Variants in NAA11 observed in about 807,000 individuals in gnomAD.
NAA11 encodes the protein N-alpha-acetyltransferase 11.
Under a neutral mutation model 16.1 loss-of-function variants are expected in NAA11, and 15 were observed. The observed-to-expected ratio is 0.93, with a 90% confidence interval of 0.62 to 1.44. The LOEUF (loss-of-function observed/expected upper bound fraction) is 1.44. Among genes scored for constraint, NAA11 ranks in the 40% most tolerant of loss-of-function variants. NAA11 has a pLI of 0.00. For synonymous variants in NAA11, 122 were observed against 112.4 expected, an observed-to-expected ratio of 1.09 and a Z score of -0.54; for missense variants, 298 against 291.3, an observed-to-expected ratio of 1.02 and a Z score of -0.17.
In NAA11 at chr4:79,246,029, A is replaced by G. The variant is rs1721814109; in HGVS notation, c.*123-19759T>C. ...AGGAGACTCCATTTTGTTCTGTACTAAGAAAAATTCTTCTGCCTTGGGATG... is the reference window on the plus strand; with the variant it reads ...AGGAGACTCCATTTTGTTCTGTACTGAGAAAAATTCTTCTGCCTTGGGATG... On this transcript the variant is annotated intron_variant and NMD_transcript_variant, in intron 2 of 2. Coordinates refer to the NAA11 transcript ENST00000511542. 2.6e-5 allele frequency among the ~76,000 whole-genome samples: 4 copies of G among 152,218 alleles called. No homozygotes were observed. The South Asian group carries it at 8.3e-4, about 32-fold the overall frequency.
the NAA11 span, among the ~76,000 whole-genome samples, chr4:79,164,472 C>A: frequency 1.3e-5 from 2 of 152,196 alleles, no homozygotes; most frequent in Non-Finnish European, 2.9e-5. Context: ...AAGGTTATTA[C>A]CTTCCTATCT....
downstream of NAA11, among the ~76,000 whole-genome samples, chr4:79,220,941 T>C (rs4975170): frequency 1 from 150,315 of 150,374 alleles, 75,128 homozygotes; most frequent in Middle Eastern, 1. Context: ...GGGGATGGCA[T>C]TGAATCTGTA....
intron 2 of NAA11, among the ~76,000 whole-genome samples, chr4:79,235,695 C>T (rs1375295619): frequency 1.3e-5 from 2 of 151,936 alleles, no homozygotes; most frequent in Non-Finnish European, 2.9e-5. Context: ...TTTGGAAAAC[C>T]TTAAGTGTGT....
At chr4:79,198,475 A>G in the NAA11 span, among the ~76,000 whole-genome samples, 1 of 151,864 alleles carries the variant, frequency 6.6e-6, no homozygotes, top group Admixed American at 6.6e-5. Context: ...TGTAAACTAT[A>G]TCATGAGTGG....
At position 79,311,636 on chromosome 4, in the gene NAA11, C is replaced by G. The variant is rs182474499; in HGVS notation, c.*12+13540G>C. Among the ~76,000 whole-genome samples the G allele has an allele frequency of 2.8e-4, 42 of 152,238 alleles. 1 individual carries two copies. The highest frequency in any genetic ancestry group is 3.7e-4 in the Non-Finnish European group (25 of 68,008). On this transcript the variant is annotated intron_variant and NMD_transcript_variant, in intron 1 of 2. Coordinates refer to the NAA11 transcript ENST00000511542. ...ATTTCAACATTTCCAAAGCAGGTAC[C>G]TTAGGGTATAACTCTAGGTATAATC...
At chr4:79,182,551 G>A in the NAA11 span, among the ~76,000 whole-genome samples, 1 of 152,304 alleles carries the variant, frequency 6.6e-6, no homozygotes, top group South Asian at 2.1e-4. Context: ...GAGGATCAAA[G>A]AGTGAAGATT....
chr4:79,314,705 C>T (rs1250389542), downstream of NAA11, among the ~76,000 whole-genome samples: 1 of 142,376 alleles, frequency 7.0e-6, no homozygotes, highest in Admixed American at 7.0e-5. Flanking sequence ...ATGTTGTCAG[C>T]ATGGAAAACA....
chr4:79,178,272 G>A, the NAA11 span, among the ~76,000 whole-genome samples: 17 of 152,284 alleles, frequency 1.1e-4, no homozygotes, highest in South Asian at 4.1e-4. Context: ...CGAGTTCAAT[G>A]TATAAACTAG....
At chr4:79,196,283 A>G in the NAA11 span, among the ~76,000 whole-genome samples, 1 of 152,086 alleles carries the variant, frequency 6.6e-6, no homozygotes, top group East Asian at 1.9e-4. Flanking sequence ...CACCTCCTCC[A>G]TGAAGCCCCT....
intron 2 of NAA11, among the ~76,000 whole-genome samples, chr4:79,231,382 G>C (rs1721460816): frequency 6.6e-6 from 1 of 151,904 alleles, no homozygotes; most frequent in Non-Finnish European, 1.5e-5. Context: ...ATATTTCAGA[G>C]AAAGTTGTCC....
downstream of NAA11, among the ~76,000 whole-genome samples, chr4:79,224,781 C>G (rs756224441): frequency 6.6e-6 from 1 of 152,060 alleles, no homozygotes; most frequent in East Asian, 1.9e-4. Flanking sequence ...AGGTCAACGT[C>G]AACAGTGATC....
the NAA11 span, among the ~76,000 whole-genome samples, chr4:79,195,337 T>C: frequency 6.6e-6 from 1 of 152,118 alleles, no homozygotes; most frequent in Non-Finnish European, 1.5e-5. Flanking sequence ...TTCTCTAAAC[T>C]CTACGTGGGT....
chr4:79,237,425 A>G (rs1274706451), intron 2 of NAA11, among the ~76,000 whole-genome samples: 2 of 152,228 alleles, frequency 1.3e-5, no homozygotes, highest in East Asian at 3.8e-4. Context: ...GCATGCTCCC[A>G]TATATCTATT....
the NAA11 span, among the ~76,000 whole-genome samples, chr4:79,174,359 G>A: frequency 6.6e-6 from 1 of 152,120 alleles, no homozygotes; most frequent in Non-Finnish European, 1.5e-5. Flanking sequence ...AGCAAAGTGA[G>A]AGGGGGGTGG....
chr4:79,281,596 T>A (rs1373628091), intron 2 of NAA11, among the ~76,000 whole-genome samples: 1 of 151,984 alleles, frequency 6.6e-6, no homozygotes, highest in Non-Finnish European at 1.5e-5. Context: ...ATAAAAAATA[T>A]CAGGTAACAA....
intron 2 of NAA11, among the ~76,000 whole-genome samples, chr4:79,261,621 G>A (rs574572845): frequency 5.3e-5 from 8 of 152,288 alleles, no homozygotes; most frequent in Non-Finnish European, 7.4e-5. Context: ...GAAGTTGAAC[G>A]TGGAAGAATA....
the NAA11 span, among the ~76,000 whole-genome samples, chr4:79,207,730 T>C: frequency 6.6e-6 from 1 of 152,158 alleles, no homozygotes; most frequent in South Asian, 2.1e-4. Flanking sequence ...TAGTGACCAC[T>C]GGATGTTGGG....
At chr4:79,275,102 TTAAG>T (rs1396560876) in intron 2 of NAA11, among the ~76,000 whole-genome samples, 2 of 152,012 alleles carry the variant, frequency 1.3e-5, no homozygotes, top group Non-Finnish European at 2.9e-5. Flanking sequence ...GTTAGATCTG[TTAAG>T]TAACCATATT....
chr4:79,277,947 AAAG>A lies in NAA11; in HGVS notation c.*122+16055_*122+16057del, dbSNP rs148960284. On this transcript the variant is annotated intron_variant and NMD_transcript_variant, in intron 2 of 2. Coordinates refer to the NAA11 transcript ENST00000511542. ...AAAATTAAAAAGAAAATTAAAAAAA[AAAG>A]AAGAAGAAAATGAACACTGTCTCAC... 8.5e-3 allele frequency among the ~76,000 whole-genome samples: 1,300 copies of A among 152,154 alleles called. 19 individuals carry two copies. The highest frequency in any genetic ancestry group is 0.03 in the African/African-American group (1,248 of 41,516).
Sources: gnomAD v4.1 joint callset for allele counts (sites outside exome capture counted in the v4.1 genomes callset) on GRCh38, gnomAD v4.1.1 for gene constraint, MANE v1.5 for transcripts, NCBI Gene and HGNC (gene_info 2026-07-23, HGNC 2026-07-21) for gene names.